The following HSD17B12 variants were observed in gnomAD, a reference collection of about 807,000 sequenced individuals.
The protein encoded by HSD17B12 is very-long-chain 3-oxoacyl-CoA reductase.
HSD17B12 carries 32 observed loss-of-function variants against 39.3 expected under a neutral mutation model. The observed-to-expected ratio is 0.81, with a 90% CI of 0.61 to 1.09. The LOEUF (loss-of-function observed/expected upper bound fraction) is 1.09. Ranked by LOEUF, HSD17B12 falls within the 50% of genes least tolerant of loss-of-function variation. The pLI, the probability that HSD17B12 is intolerant of heterozygous loss-of-function variation, is 0.00. For missense variants in HSD17B12, 342 were observed against 382.9 expected (o/e 0.89, Z 0.89); for synonymous variants, 150 against 146.7 (o/e 1.02, Z -0.16).
chr11:43,769,014 G>A (rs1049141856), intron 3 of HSD17B12, among the ~76,000 whole-genome samples: 89 of 152,210 alleles, frequency 5.8e-4, no homozygotes, highest in African/African-American at 2.1e-3. Flanking sequence ...CAGAAGCTCA[G>A]CTGGCTTCAC....
the HSD17B12 span, among the ~76,000 whole-genome samples, chr11:43,627,013 C>G: frequency 6.6e-6 from 1 of 152,030 alleles, no homozygotes; most frequent in African/African-American, 2.4e-5. Flanking sequence ...TGACTCAGCT[C>G]TATCTACCTG....
chr11:43,660,409 T>A, the HSD17B12 span, among the ~76,000 whole-genome samples: 1 of 152,176 alleles, frequency 6.6e-6, no homozygotes, highest in South Asian at 2.1e-4. Flanking sequence ...ATTGAAATGT[T>A]TAAACATGAA....
the HSD17B12 span, among the ~76,000 whole-genome samples, chr11:43,601,724 A>G: frequency 6.6e-6 from 1 of 152,240 alleles, no homozygotes; most frequent in Non-Finnish European, 1.5e-5. Flanking sequence ...CACTTCTGCC[A>G]GAGTCAGCTT....
At position 43,816,179 on chromosome 11, in the gene HSD17B12, C is replaced by T. The variant is rs527409339; in HGVS notation, c.457-168C>T. On this transcript the variant is annotated intron_variant, in intron 5 of 10. Coordinates refer to ENST00000278353, the MANE Select transcript of HSD17B12 (RefSeq NM_016142.3). ...TCACCTTAGTTAGGAAAATATAACA[C>T]GGAGAGTAAAATGAAATCTGCCTCT... 1.4e-4 allele frequency among the ~76,000 whole-genome samples: 21 copies of T among 152,190 alleles called. No homozygotes were observed. The South Asian group carries it at 3.3e-3, about 24-fold the overall frequency.
intron 1 of HSD17B12, among the ~76,000 whole-genome samples, chr11:43,690,414 T>TTC (rs1949851608): frequency 1.0e-5 from 1 of 98,278 alleles, no homozygotes; most frequent in African/African-American, 4.2e-5. Flanking sequence ...ATTTTTTTTT[T>TTC]TTTTTTTCTG....
chr11:43,749,909 T>G (rs1950449414), intron 1 of HSD17B12, among the ~76,000 whole-genome samples: 1 of 152,134 alleles, frequency 6.6e-6, no homozygotes, highest in Non-Finnish European at 1.5e-5. Context: ...CAGACATCTG[T>G]GCTTTGAACT....
chr11:43,590,437 CAAA>C, the HSD17B12 span, among the ~76,000 whole-genome samples: 2 of 66,258 alleles, frequency 3.0e-5, no homozygotes, highest in African/African-American at 5.8e-5. Flanking sequence ...TTAAGTTTAG[CAAA>C]AAAAAAAAAA....
intron 3 of HSD17B12, among the ~76,000 whole-genome samples, chr11:43,770,332 A>G (rs1294131097): frequency 2.2e-4 from 33 of 152,184 alleles, no homozygotes; most frequent in Admixed American, 1.9e-3. Context: ...TTAGATGGGA[A>G]TGCTCCTGTC....
chr11:43,634,105 A>AAAAAAAAAAAAAAAAC, the HSD17B12 span, among the ~76,000 whole-genome samples: 1 of 140,228 alleles, frequency 7.1e-6, no homozygotes, highest in East Asian at 2.1e-4. Flanking sequence ...AAAAAAAAAA[A>AAAAAAAAAAAAAAAAC]AAAAGAAAGA....
At chr11:43,603,298 G>A in the HSD17B12 span, among the ~76,000 whole-genome samples, 1,583 of 152,168 alleles carry the variant, frequency 0.01, 27 homozygotes, top group African/African-American at 0.036. Flanking sequence ...GCAAATCTTA[G>A]TTTGGTGAAT....
chr11:43,787,757 A>G (rs1950829540), intron 3 of HSD17B12, among the ~76,000 whole-genome samples: 2 of 151,786 alleles, frequency 1.3e-5, no homozygotes, highest in Admixed American at 6.6e-5. Flanking sequence ...AAAAATAATA[A>G]TAATAATAGT....
rs755199252 is a variant in HSD17B12, at chr11:43,855,518, G to C, written c.*270G>C. On this transcript the variant is annotated 3_prime_UTR_variant, in exon 11 of 11. Transcript: ENST00000278353. ...TATTGTCGGGAACACCTAATAGAAA[G>C]GAATACTATTATAGCAAATCACAGA... 18 of 194,724 alleles carry C rather than the reference G, an allele frequency of 9.2e-5. No individual in the cohort carries two copies. The highest frequency in any genetic ancestry group is 1.6e-4 in the Non-Finnish European group (15 of 96,744). 12.1% of individuals were successfully genotyped at this position (194,724 alleles called of 1,614,324 possible). A position where few individuals can be genotyped will look rare whatever the true frequency, so the allele number is the denominator to read the frequency against.
chr11:43,722,854 G>A (rs558769482), intron 1 of HSD17B12, among the ~76,000 whole-genome samples: 23 of 151,956 alleles, frequency 1.5e-4, no homozygotes, highest in Non-Finnish European at 3.2e-4. Flanking sequence ...TTAAGAATTC[G>A]CCTGCCATGG....
At chr11:43,600,453 G>A in the HSD17B12 span, among the ~76,000 whole-genome samples, 2 of 151,970 alleles carry the variant, frequency 1.3e-5, no homozygotes, top group African/African-American at 4.8e-5. Flanking sequence ...TGTATTCATG[G>A]TGTTGAATGT....
intron 1 of HSD17B12, chr11:43,734,493 C>T (rs999555284): frequency 1.6e-6 from 1 of 625,776 alleles, no homozygotes; most frequent in South Asian, 1.7e-5. Flanking sequence ...GAGGACATTG[C>T]ATACCAGCTC....
chr11:43,852,459 G>GT (rs33939261), intron 9 of HSD17B12: 6,382 of 148,360 alleles, frequency 0.043, 350 homozygotes, highest in African/African-American at 0.13. Flanking sequence ...CTATATTTGG[G>GT]TTTTTTTTTT....
chr11:43,605,751 G>A, the HSD17B12 span, among the ~76,000 whole-genome samples: 2 of 152,060 alleles, frequency 1.3e-5, no homozygotes, highest in Non-Finnish European at 2.9e-5. Flanking sequence ...AGGATATAAA[G>A]TGCTATATAA....
the HSD17B12 span, among the ~76,000 whole-genome samples, chr11:43,670,691 G>A: frequency 6.6e-6 from 1 of 152,154 alleles, no homozygotes; most frequent in African/African-American, 2.4e-5. Flanking sequence ...AGGAGTTGGA[G>A]ACCAGCCTAG....
At chr11:43,619,592 A>G in the HSD17B12 span, among the ~76,000 whole-genome samples, 1 of 151,750 alleles carries the variant, frequency 6.6e-6, no homozygotes, top group Non-Finnish European at 1.5e-5. Flanking sequence ...GGGTTTCACC[A>G]TGTTGGCCAG....
Sources: gnomAD v4.1 joint callset for allele counts (sites outside exome capture counted in the v4.1 genomes callset) on GRCh38, gnomAD v4.1.1 for gene constraint, MANE v1.5 for transcripts, NCBI Gene and HGNC (gene_info 2026-07-23, HGNC 2026-07-21) for gene names.